UBE2D3: variants seen among roughly 807,000 people sequenced by gnomAD.
The protein encoded by UBE2D3 is ubiquitin conjugating enzyme E2 D3, also known as ubiquitin-conjugating enzyme E2 D3.
A neutral mutation model predicts 22.8 loss-of-function variants in UBE2D3; 2 were observed. The ratio of observed to expected loss-of-function variants is 0.09; its 90% CI spans 0.04 to 0.28. The LOEUF is 0.28. Ranked by LOEUF, UBE2D3 falls within the 10% of genes least tolerant of loss-of-function variation. The probability of loss-of-function intolerance (pLI) is 1.00; values close to 1 mark genes in which losing one functional copy is unlikely to be tolerated. For synonymous variants in UBE2D3, 56 were observed against 60.4 expected (o/e 0.93, Z 0.34); for missense variants, 27 against 182.5 (o/e 0.15, Z 4.91).
intron 1 of UBE2D3, among the ~76,000 whole-genome samples, chr4:102,838,861 T>C (rs1731580802): frequency 6.9e-6 from 1 of 144,798 alleles, no homozygotes; most frequent in African/African-American, 2.5e-5. Context: ...TAGCTCTATC[T>C]AACCAAAATT....
intron 4 of UBE2D3, among the ~76,000 whole-genome samples, chr4:102,808,662 CTT>C (rs761519320): frequency 6.6e-6 from 1 of 152,156 alleles, no homozygotes; most frequent in Non-Finnish European, 1.5e-5. Flanking sequence ...CACTTCAGCA[CTT>C]GTTTTAGGTA....
At position 102,794,778 on chromosome 4, in the gene UBE2D3, T is replaced by A. The variant is rs1232864486; in HGVS notation, c.*2637A>T. 1.3e-5 allele frequency: 2 copies of A among 152,108 alleles called. No homozygotes were observed. Among genetic ancestry groups the A allele is most frequent in the Non-Finnish European group, 2.9e-5 (2 of 67,982 alleles). The allele number at this position is 152,108 out of a possible 1,614,324, so 9.4% of individuals were successfully genotyped here. A position where few individuals can be genotyped will look rare whatever the true frequency, so the allele number is the denominator to read the frequency against. ...CACAAGAAAGCAAATTAATCAGTTTTAAAAAATCTGATTATCACATTGCAA... is the reference window on the plus strand; with the variant it reads ...CACAAGAAAGCAAATTAATCAGTTTAAAAAAATCTGATTATCACATTGCAA... On this transcript the variant is annotated 3_prime_UTR_variant, in exon 8 of 8. Transcript: ENST00000453744.
At chr4:102,805,267 A>C (rs1726847350) in intron 4 of UBE2D3, among the ~76,000 whole-genome samples, 1 of 152,222 alleles carries the variant, frequency 6.6e-6, no homozygotes, top group South Asian at 2.1e-4. Context: ...AAAAATTGAG[A>C]CCCTATGATA....
chr4:102,802,728 G>A, intron 4 of UBE2D3, 90 bp from the exon 5 acceptor site: 8 of 1,016,300 alleles, frequency 7.9e-6, no homozygotes, highest in Non-Finnish European at 1.0e-5. Flanking sequence ...CTCTAATAAT[G>A]AACCCAAATC....
At chr4:102,812,945 A>G (rs1728254007) in intron 2 of UBE2D3, 1 of 152,224 alleles carries the variant, frequency 6.6e-6, no homozygotes, top group Non-Finnish European at 1.5e-5. Flanking sequence ...ATTAACCTCA[A>G]AAGTGCTACT....
chr4:102,811,801 G>C (rs1486256625), intron 2 of UBE2D3: 2 of 442,522 alleles, frequency 4.5e-6, no homozygotes, highest in African/African-American at 4.1e-5. Flanking sequence ...AGGACAGCTT[G>C]AGCGCAGGAG....
At chr4:102,819,584 G>A (rs1306996600) in intron 2 of UBE2D3, 7 of 985,138 alleles carry the variant, frequency 7.1e-6, no homozygotes, top group Non-Finnish European at 7.2e-6. Context: ...CTATTAAAGC[G>A]TAACGCCATA....
upstream of UBE2D3, chr4:102,827,849 G>A: frequency 2.0e-6 from 2 of 985,724 alleles, no homozygotes; most frequent in Non-Finnish European, 2.4e-6. Flanking sequence ...GAAGCATCGA[G>A]AACCGGAAGG....
In UBE2D3 at chr4:102,858,453, T is replaced by C. The variant is rs533441910; in HGVS notation, c.-129+10262A>G. Among the ~76,000 whole-genome samples the C allele has an allele frequency of 5.3e-5, 8 of 152,098 alleles. No homozygotes were observed. The South Asian group carries it at 1.5e-3, about 28-fold the overall frequency. ...GATGAACTCTTGGGACATGTTCCAC[T>C]ACTTGGGGATCCTGGTATTTCCTTG... On this transcript the variant is annotated intron_variant, in intron 1 of 7. Coordinates refer to the UBE2D3 transcript ENST00000338145.
chr4:102,801,726 C>T (rs924991759), intron 5 of UBE2D3, 167 bp from the exon 6 acceptor site: 24 of 528,850 alleles, frequency 4.5e-5, no homozygotes, highest in Non-Finnish European at 7.5e-5. Context: ...CCTGCCTCCT[C>T]TTTTTACAAC....
At chr4:102,847,657 C>T (rs756629967) in intron 1 of UBE2D3, among the ~76,000 whole-genome samples, 1 of 150,282 alleles carries the variant, frequency 6.7e-6, no homozygotes, top group Non-Finnish European at 1.5e-5. Flanking sequence ...CTTTTCTTTT[C>T]GTTAGAGATA....
At chr4:102,865,862 A>C (rs1733124012) in intron 1 of UBE2D3, among the ~76,000 whole-genome samples, 1 of 152,214 alleles carries the variant, frequency 6.6e-6, no homozygotes, top group Non-Finnish European at 1.5e-5. Context: ...TTGAAAGTAA[A>C]TAATGACTCC....
At chr4:102,827,928 C>A (rs1730847319), upstream of UBE2D3, 2 of 985,564 alleles carry the variant, frequency 2.0e-6, no homozygotes, top group African/African-American at 3.5e-5. Context: ...CCCACAGCGT[C>A]CCCCAGTTTC....
At chr4:102,854,727 A>G (rs1448447075) in intron 1 of UBE2D3, among the ~76,000 whole-genome samples, 2 of 152,214 alleles carry the variant, frequency 1.3e-5, no homozygotes, top group African/African-American at 4.8e-5. Context: ...TCCTGAAAAA[A>G]TGAAAAACTA....
Position 102,808,333 on chromosome 4 carries a change from T to C in UBE2D3, c.120+1339A>G, listed in dbSNP as rs561806129. Among the ~76,000 whole-genome samples, 3 of 152,332 alleles carry C rather than the reference T, an allele frequency of 2.0e-5. 1 individual carries two copies. In the South Asian group the frequency reaches 6.2e-4, roughly 32 times the overall value. On this transcript the variant is annotated intron_variant, in intron 4 of 7. Coordinates refer to ENST00000453744, the MANE Select transcript of UBE2D3 (RefSeq NM_181891.3). ...GGGTAACTCAACATTTAACTGCGTG[T>C]ATTAAAATTAAACAATATTGCTACC...
intron 2 of UBE2D3, among the ~76,000 whole-genome samples, chr4:102,821,953 A>C (rs557472050): frequency 6.6e-6 from 1 of 152,212 alleles, no homozygotes; most frequent in Non-Finnish European, 1.5e-5. Flanking sequence ...TGAGATTTTA[A>C]TCTGAAACAT....
chr4:102,802,863 G>T (rs1054040888), intron 4 of UBE2D3, among the ~76,000 whole-genome samples: 2 of 151,984 alleles, frequency 1.3e-5, no homozygotes, highest in Admixed American at 6.6e-5. Context: ...TCACCAAAAT[G>T]TTTTTTTAAA....
In UBE2D3 at chr4:102,868,072, C is replaced by CTTTTTTTTTTTTT. The variant is rs11418599; in HGVS notation, c.-129+630_-129+642dup. On this transcript the variant is annotated intron_variant, in intron 1 of 7. Transcript: ENST00000338145. ...AAAACCATACATAAGGCTTTAGATT[C>CTTTTTTTTTTTTT]TTTTTTTTTTTTTTTTTTGTGACGG... 2.6e-3 allele frequency among the ~76,000 whole-genome samples: 300 copies of CTTTTTTTTTTTTT among 115,238 alleles called. 11 individuals are homozygous for CTTTTTTTTTTTTT. Among genetic ancestry groups the CTTTTTTTTTTTTT allele is most frequent in the African/African-American group, 9.5e-3 (267 of 28,054 alleles). The allele number at this position is 115,238 out of a possible 152,430, so 75.6% of individuals were successfully genotyped here.
At chr4:102,802,424 T>G (rs1437712312) in intron 5 of UBE2D3, 137 bp downstream of exon 5, 4 of 590,700 alleles carry the variant, frequency 6.8e-6, no homozygotes, top group African/African-American at 1.9e-5. Flanking sequence ...AACCAAAGGT[T>G]AAGAGTCAGC....
Sources: allele counts gnomAD v4.1 joint callset (sites outside exome capture counted in the v4.1 genomes callset), GRCh38; gene constraint gnomAD v4.1.1; transcripts MANE v1.5; gene names NCBI Gene and HGNC (gene_info 2026-07-23, HGNC 2026-07-21).